The following TRPC6 variants were observed in gnomAD, a reference collection of about 807,000 sequenced individuals.
The protein encoded by TRPC6 is transient receptor potential cation channel subfamily C member 6.
TRPC6 carries 55 observed loss-of-function variants against 90.7 expected under a neutral mutation model. The observed-to-expected ratio is 0.61, with a 90% CI of 0.49 to 0.76. The LOEUF (loss-of-function observed/expected upper bound fraction) is 0.76, where lower values mean the gene tolerates loss of function less well. Ranked by LOEUF, TRPC6 falls within the 30% of genes least tolerant of loss-of-function variation. TRPC6 has a pLI of 0.00. For synonymous variants in TRPC6, 393 were observed against 393.0 expected (o/e 1.00, Z 0.00); for missense variants, 989 against 1,122.7 (o/e 0.88, Z 1.70).
At chr11:101,546,498 G>A (rs1861310937) in intron 1 of TRPC6, among the ~76,000 whole-genome samples, 1 of 152,168 alleles carries the variant, frequency 6.6e-6, no homozygotes, top group African/African-American at 2.4e-5. Flanking sequence ...ATGAATGAGT[G>A]AATGAAGTGA....
chr11:101,497,124 A>G (rs1311697814), intron 2 of TRPC6, among the ~76,000 whole-genome samples: 1 of 152,116 alleles, frequency 6.6e-6, no homozygotes, highest in Non-Finnish European at 1.5e-5. Flanking sequence ...TGCCACTTAT[A>G]TAACTATATG....
At chr11:101,475,407 T>C (rs1859389101) in intron 6 of TRPC6, among the ~76,000 whole-genome samples, 2 of 152,282 alleles carry the variant, frequency 1.3e-5, no homozygotes, top group East Asian at 3.9e-4. Context: ...ACCTCGAATA[T>C]TTACATTTTT....
intron 2 of TRPC6, among the ~76,000 whole-genome samples, chr11:101,493,175 G>A (rs142192456): frequency 6.6e-6 from 1 of 152,116 alleles, no homozygotes; most frequent in South Asian, 2.1e-4. Context: ...CAATCTTTTG[G>A]CTTCCCTGGG....
intron 1 of TRPC6, among the ~76,000 whole-genome samples, chr11:101,560,175 C>T (rs1861682547): frequency 6.6e-6 from 1 of 152,008 alleles, no homozygotes; most frequent in African/African-American, 2.4e-5. Flanking sequence ...ACCTATTATT[C>T]ATTCTAAATA....
chr11:101,469,353 G>T, intron 10 of TRPC6, 74 bp downstream of exon 10: 1 of 710,654 alleles, frequency 1.4e-6, no homozygotes. Flanking sequence ...AATTGCTTCT[G>T]AACATCTGTC....
chr11:101,530,515 T>G (rs761572967), intron 1 of TRPC6, among the ~76,000 whole-genome samples: 19 of 152,286 alleles, frequency 1.2e-4, no homozygotes, highest in Admixed American at 5.2e-4. Context: ...TCCTCTTATC[T>G]GCAGTCTGGG....
At chr11:101,527,929 T>C (rs1443783811) in intron 1 of TRPC6, among the ~76,000 whole-genome samples, 1 of 151,966 alleles carries the variant, frequency 6.6e-6, no homozygotes, top group African/African-American at 2.4e-5. Context: ...AAAAATTAGC[T>C]GGGCATAGTG....
At chr11:101,461,498 G>A (rs1859004003) in intron 10 of TRPC6, among the ~76,000 whole-genome samples, 1 of 152,162 alleles carries the variant, frequency 6.6e-6, no homozygotes, top group Non-Finnish European at 1.5e-5. Flanking sequence ...CCTGAGCCTG[G>A]GAGGTCCAGG....
chr11:101,498,983 G>C (rs1860022120), intron 2 of TRPC6, among the ~76,000 whole-genome samples: 1 of 152,068 alleles, frequency 6.6e-6, no homozygotes, highest in Admixed American at 6.6e-5. Flanking sequence ...GCAGCACCTT[G>C]GCTCATGTTG....
intron 1 of TRPC6, among the ~76,000 whole-genome samples, chr11:101,568,086 T>TAATAC (rs1861876349): frequency 6.6e-6 from 1 of 152,154 alleles, no homozygotes; most frequent in Non-Finnish European, 1.5e-5. Flanking sequence ...TAAAGGAGTA[T>TAATAC]GTTCTAAGCC....
intron 1 of TRPC6, among the ~76,000 whole-genome samples, chr11:101,559,760 A>C (rs903893786): frequency 6.7e-6 from 1 of 149,224 alleles, no homozygotes; most frequent in African/African-American, 2.5e-5. Flanking sequence ...CATTAGGTAT[A>C]TCTCCTAATG....
At position 101,454,319 on chromosome 11, in the gene TRPC6, A is replaced by G. The variant is rs182326331; in HGVS notation, c.2569-594T>C. 4.3e-3 allele frequency among the ~76,000 whole-genome samples: 655 copies of G among 152,200 alleles called. 4 individuals carry two copies. Among genetic ancestry groups the G allele is most frequent in the African/African-American group, 0.015 (621 of 41,558 alleles). Reference sequence around the variant, plus strand: ...GATATAGAACTAAATAAAATTTTACACCTAAGCCAAGGTTAAATGGTAGAT... The same window carrying G: ...GATATAGAACTAAATAAAATTTTACGCCTAAGCCAAGGTTAAATGGTAGAT... On this transcript the variant is annotated intron_variant, in intron 11 of 12. Coordinates refer to ENST00000344327, the MANE Select transcript of TRPC6 (RefSeq NM_004621.6).
intron 10 of TRPC6, among the ~76,000 whole-genome samples, chr11:101,468,120 C>T (rs1859194003): frequency 6.6e-6 from 1 of 152,220 alleles, no homozygotes; most frequent in South Asian, 2.1e-4. Flanking sequence ...ACTCTCAGCC[C>T]ATGCGGCCCC....
chr11:101,577,904 A>G (rs1862106314), intron 1 of TRPC6, among the ~76,000 whole-genome samples: 2 of 152,182 alleles, frequency 1.3e-5, no homozygotes, highest in East Asian at 3.9e-4. Flanking sequence ...CTGAAAGATG[A>G]GTCTTTGTGA....
intron 2 of TRPC6, among the ~76,000 whole-genome samples, chr11:101,493,573 G>A (rs1370896161): frequency 2.0e-5 from 3 of 152,120 alleles, no homozygotes; most frequent in East Asian, 3.9e-4. Flanking sequence ...TATTTGTAGA[G>A]TACTTTTCTA....
At chr11:101,504,842 A>G in intron 1 of TRPC6, 44 bp from the exon 2 acceptor site, 1 of 1,601,134 alleles carries the variant, frequency 6.2e-7, no homozygotes, top group Non-Finnish European at 8.5e-7. Flanking sequence ...CATTAAGAGC[A>G]TTTTAGTGTG....
At chr11:101,473,476 A>G (rs745736015) in intron 7 of TRPC6, 33 bp downstream of exon 7, 33 of 1,610,312 alleles carry the variant, frequency 2.0e-5, no homozygotes, top group Non-Finnish European at 2.8e-5. Flanking sequence ...TTAATTTGCA[A>G]TAACTATCAT....
At chr11:101,581,044 G>C (rs866900833) in intron 1 of TRPC6, among the ~76,000 whole-genome samples, 18 of 152,220 alleles carry the variant, frequency 1.2e-4, no homozygotes, top group Middle Eastern at 3.4e-3. Flanking sequence ...TGTAACTATA[G>C]AACCTTTTGG....
At chr11:101,548,470 ATATATATCTCTCTCTCTCTCTCTG>A (rs57675529) in intron 1 of TRPC6, among the ~76,000 whole-genome samples, 14,534 of 74,730 alleles carry the variant, frequency 0.19, 843 homozygotes, top group East Asian at 0.3. Context: ...ATATATATAT[ATATATATCTCTCTCTCTCTCTCTG>A]TCTCTCACAG....
Sources: allele counts gnomAD v4.1 joint callset (sites outside exome capture counted in the v4.1 genomes callset), GRCh38; gene constraint gnomAD v4.1.1; transcripts MANE v1.5; gene names NCBI Gene and HGNC (gene_info 2026-07-23, HGNC 2026-07-21).